Variants in PRKAR1A observed in about 807,000 individuals in gnomAD.
The protein encoded by PRKAR1A is cAMP-dependent protein kinase type I-alpha regulatory subunit.
A neutral mutation model predicts 52.0 loss-of-function variants in PRKAR1A; 3 were observed. The ratio of observed to expected loss-of-function variants is 0.06; its 90% CI spans 0.03 to 0.15. The LOEUF (loss-of-function observed/expected upper bound fraction) is 0.15. Ranked by LOEUF, PRKAR1A falls within the 10% of genes least tolerant of loss-of-function variation. PRKAR1A has a pLI of 1.00. For missense variants in PRKAR1A, 240 were observed against 477.4 expected (o/e 0.50, Z 4.63); for synonymous variants, 188 against 168.4 (o/e 1.12, Z -0.90).
At chr17:68,490,517 T>G in the PRKAR1A span, among the ~76,000 whole-genome samples, 1 of 151,956 alleles carries the variant, frequency 6.6e-6, no homozygotes, top group African/African-American at 2.4e-5. Flanking sequence ...GCACAGGGAG[T>G]GTTGGGTTCC....
chr17:68,444,642 G>C, the PRKAR1A span: 1 of 1,455,164 alleles, frequency 6.9e-7, no homozygotes, highest in Admixed American at 2.0e-5. Flanking sequence ...CAAAGACCCT[G>C]ACCAAATCCA....
the PRKAR1A span, chr17:68,420,479 TC>T: frequency 7.5e-6 from 12 of 1,602,926 alleles, no homozygotes; most frequent in Non-Finnish European, 1.0e-5. Context: ...CAATTTTTAT[TC>T]CACGAGGAGG....
At chr17:68,509,911 C>T (rs1421859601), upstream of PRKAR1A, among the ~76,000 whole-genome samples, 3 of 152,166 alleles carry the variant, frequency 2.0e-5, no homozygotes, top group African/African-American at 7.2e-5. Flanking sequence ...TGGGGACACA[C>T]AGCCAGGACT....
rs2143276272 is a variant in PRKAR1A, at chr17:68,522,945, T to C, written c.348+19T>C. On this transcript the variant is annotated intron_variant, in intron 3 of 10. Transcript: ENST00000589228. ...TAGAAAGGTAGTTTTGATATTTGAA[T>C]ATCGGGGGGATGCTTTTGGGACCCA... 1 of 1,612,470 alleles carries C rather than the reference T, an allele frequency of 6.2e-7. No homozygotes were observed. Among genetic ancestry groups the C allele is most frequent in the Non-Finnish European group, 8.5e-7 (1 of 1,179,718 alleles).
At chr17:68,423,319 A>G in the PRKAR1A span, among the ~76,000 whole-genome samples, 1 of 152,234 alleles carries the variant, frequency 6.6e-6, no homozygotes, top group Non-Finnish European at 1.5e-5. The surrounding 1 kb of genome is among the most constrained non-coding windows in gnomAD (Gnocchi z 4.4). Flanking sequence ...TTGATAGAGC[A>G]TCCCAGGAGC....
intron 11 of PRKAR1A, chr17:68,541,317 A>C: frequency 3.2e-6 from 1 of 313,720 alleles, no homozygotes; most frequent in Non-Finnish European, 6.2e-6. Context: ...CACTCATAGC[A>C]CCTCCATGGG....
the PRKAR1A span, among the ~76,000 whole-genome samples, chr17:68,488,442 A>G: frequency 6.6e-6 from 1 of 152,012 alleles, no homozygotes; most frequent in Non-Finnish European, 1.5e-5. Context: ...AAGAGCCAGC[A>G]TGGGGCTGGG....
intron 11 of PRKAR1A, among the ~76,000 whole-genome samples, chr17:68,542,409 A>G (rs2086342593): frequency 6.6e-6 from 1 of 151,976 alleles, no homozygotes; most frequent in South Asian, 2.1e-4. Context: ...TGAGTAGAAC[A>G]CTCTTTATTA....
At chr17:68,539,985 C>G in intron 11 of PRKAR1A, 1 of 1,612,784 alleles carries the variant, frequency 6.2e-7, no homozygotes, top group Non-Finnish European at 8.5e-7. Context: ...GAGGGGAGGA[C>G]TTAGCTGGAA....
chr17:68,433,776 T>TTG, the PRKAR1A span, among the ~76,000 whole-genome samples: 2 of 63,124 alleles, frequency 3.2e-5, no homozygotes, highest in Non-Finnish European at 8.0e-5. Context: ...TTTTTTTTTT[T>TTG]TTTTTTTTTT....
At chr17:68,526,357 G>A (rs554948700) in intron 7 of PRKAR1A, among the ~76,000 whole-genome samples, 5 of 152,290 alleles carry the variant, frequency 3.3e-5, no homozygotes, top group African/African-American at 7.2e-5. Flanking sequence ...GTCCCCTCTC[G>A]TTAAAGGAAT....
At chr17:68,428,869 G>A in the PRKAR1A span, 2 of 1,614,016 alleles carry the variant, frequency 1.2e-6, no homozygotes, top group African/African-American at 2.7e-5. Context: ...CCATCCTGAG[G>A]ATCCAAATTG....
At chr17:68,540,507 C>G (rs1262602850) in intron 11 of PRKAR1A, 3 of 479,316 alleles carry the variant, frequency 6.3e-6, no homozygotes, top group Non-Finnish European at 1.2e-5. Flanking sequence ...CGCCTGAGGC[C>G]CTCCCTGCTA....
chr17:68,516,177 AT>A (rs2143164010), intron 2 of PRKAR1A, among the ~76,000 whole-genome samples: 1 of 152,078 alleles, frequency 6.6e-6, no homozygotes, highest in Admixed American at 6.5e-5. Context: ...AATTAATCCA[AT>A]TTTTATTCTT....
chr17:68,464,555 C>A, the PRKAR1A span, among the ~76,000 whole-genome samples: 2 of 152,206 alleles, frequency 1.3e-5, no homozygotes, highest in Admixed American at 1.3e-4. Flanking sequence ...GTGGCACGTG[C>A]CTGTAGTCCC....
At chr17:68,468,742 AT>A in the PRKAR1A span, among the ~76,000 whole-genome samples, 1 of 152,156 alleles carries the variant, frequency 6.6e-6, no homozygotes, top group Non-Finnish European at 1.5e-5. Context: ...TGGACCTTTC[AT>A]TATTTCTCTG....
chr17:68,485,665 C>T, the PRKAR1A span, among the ~76,000 whole-genome samples: 64 of 152,198 alleles, frequency 4.2e-4, no homozygotes, highest in Non-Finnish European at 7.8e-4. Flanking sequence ...ATTATTCTTG[C>T]GAGGCATAAA....
the PRKAR1A span, among the ~76,000 whole-genome samples, chr17:68,485,664 G>A: frequency 6.6e-6 from 1 of 152,118 alleles, no homozygotes; most frequent in African/African-American, 2.4e-5. Flanking sequence ...AATTATTCTT[G>A]CGAGGCATAA....
At chr17:68,529,886 G>GTT (rs747156333) in intron 9 of PRKAR1A, 34 bp from the exon 10 acceptor site, 1 of 1,591,082 alleles carries the variant, frequency 6.3e-7, no homozygotes, top group Non-Finnish European at 8.6e-7. Flanking sequence ...TTGAGAGTGT[G>GTT]TGTTTGTTTA....
Sources: allele counts gnomAD v4.1 joint callset (sites outside exome capture counted in the v4.1 genomes callset), GRCh38; gene constraint gnomAD v4.1.1; non-coding constraint Gnocchi (gnomAD v3.1); transcripts MANE v1.5; gene names NCBI Gene and HGNC (gene_info 2026-07-23, HGNC 2026-07-21).